DLG1: variants seen among roughly 807,000 people sequenced by gnomAD.
DLG1 encodes the protein discs large MAGUK scaffold protein 1.
Under a neutral mutation model 123.4 loss-of-function variants are expected in DLG1, and 42 were observed. The observed-to-expected ratio is 0.34, with a 90% CI of 0.27 to 0.44. DLG1 has a LOEUF of 0.44. DLG1 is among the 20% of genes least tolerant of loss of function. The pLI is 1.00. For synonymous variants in DLG1, 317 were observed against 356.2 expected (o/e 0.89, Z 1.24); for missense variants, 942 against 1,082.6 (o/e 0.87, Z 1.82).
In DLG1 at chr3:197,066,687, C is replaced by G; in HGVS notation, c.2098+17G>C. On this transcript the variant is annotated intron_variant, in intron 20 of 24. Coordinates refer to ENST00000667157, the MANE Select transcript of DLG1 (RefSeq NM_001366207.1). ...ATTCTTCTAGAAGGTTATAAAACAT[C>G]AATAGGCTTCACAAACCTTCTTGTT... 1 of 1,574,060 alleles carries G rather than the reference C, an allele frequency of 6.4e-7. No homozygotes were observed. The highest frequency in any genetic ancestry group is 8.7e-7 in the Non-Finnish European group (1 of 1,147,176).
intron 4 of DLG1, among the ~76,000 whole-genome samples, chr3:197,275,708 A>T (rs1337509610): frequency 1.3e-5 from 2 of 152,212 alleles, no homozygotes; most frequent in Non-Finnish European, 2.9e-5. Flanking sequence ...ATGGAGTTGG[A>T]GAGTAGAATG....
chr3:197,201,800 C>T (rs905066892), intron 4 of DLG1, among the ~76,000 whole-genome samples: 2 of 151,858 alleles, frequency 1.3e-5, no homozygotes, highest in African/African-American at 4.8e-5. Context: ...TATCATTTTT[C>T]ACAGAAGCAG....
chr3:197,276,816 T>C (rs1766649737), intron 4 of DLG1, among the ~76,000 whole-genome samples: 3 of 152,120 alleles, frequency 2.0e-5, no homozygotes, highest in Non-Finnish European at 4.4e-5. Context: ...CTTTTAATTT[T>C]TGTGGTGTTT....
At chr3:197,122,640 C>A (rs1777048355) in intron 11 of DLG1, among the ~76,000 whole-genome samples, 1 of 152,010 alleles carries the variant, frequency 6.6e-6, no homozygotes, top group Admixed American at 6.6e-5. Context: ...TCCTATATAT[C>A]AGTTAAAATT....
Position 197,085,748 on chromosome 3 carries a change from A to C in DLG1, c.1670T>G (p.Phe557Cys). 5 of 1,613,250 alleles carry C rather than the reference A, an allele frequency of 3.1e-6. No homozygotes were observed. Among genetic ancestry groups the C allele is most frequent in the Non-Finnish European group, 2.5e-6 (3 of 1,179,802 alleles). Reference protein sequence around the residue: ...QKRSLYVRALFDYDKTKDSGL... With the variant: ...QKRSLYVRALCDYDKTKDSGL... ...ACTGTCTTTAGTCTTGTCATAATCA[A>C]AAAGGGCTCTAGAGTCAGAAGAAAA... Residue 557 changes from phenylalanine to cysteine, a missense_variant, in exon 16 of 25, where the codon TTT becomes TGT. Phe to Cys is a radical substitution (Grantham distance 205, BLOSUM62 -2). Transcript: ENST00000667157.
chr3:197,259,532 A>G (rs1478461730), intron 4 of DLG1, among the ~76,000 whole-genome samples: 1 of 152,220 alleles, frequency 6.6e-6, no homozygotes, highest in East Asian at 1.9e-4. Context: ...AATCACTATG[A>G]GACATCGTAA....
rs774270288 is a variant in DLG1, at chr3:197,252,107, G to A, written c.318+30572C>T. Among the ~76,000 whole-genome samples, 18 of 152,198 alleles carry A rather than the reference G, an allele frequency of 1.2e-4. 1 individual carries two copies. In the Middle Eastern group the frequency reaches 0.02, roughly 173 times the overall value. ...GTGTGCTAGTTGTCTCTCCTTATGA[G>A]AGGTGGTGGATGGTTTAAGTACAGG... is the stretch of plus-strand genomic sequence containing the variant. On this transcript the variant is annotated intron_variant, in intron 4 of 24. Transcript: ENST00000667157.
chr3:197,199,134 C>A (rs1047483336), intron 4 of DLG1, among the ~76,000 whole-genome samples: 11 of 152,080 alleles, frequency 7.2e-5, no homozygotes, highest in Admixed American at 3.3e-4. Flanking sequence ...TTGAAAAAAT[C>A]TTTTCTGAAG....
intron 4 of DLG1, among the ~76,000 whole-genome samples, chr3:197,235,166 GC>G (rs1189231341): frequency 3.9e-5 from 6 of 152,142 alleles, no homozygotes; most frequent in Admixed American, 1.3e-4. Context: ...CTGGCTTCCT[GC>G]CTGGAGGCCA....
intron 23 of DLG1, among the ~76,000 whole-genome samples, chr3:197,057,858 GTATTT>G (rs1376617487): frequency 6.6e-6 from 1 of 151,624 alleles, no homozygotes; most frequent in African/African-American, 2.4e-5. Context: ...ATGGTTTATT[GTATTT>G]TATTTTCAAA....
chr3:197,131,580 CTTTCTTTTTTTT>C (rs1782509327), intron 10 of DLG1, among the ~76,000 whole-genome samples: 1 of 120,732 alleles, frequency 8.3e-6, no homozygotes, highest in South Asian at 2.6e-4. Context: ...TTATTTCTTC[CTTTCTTTTTTTT>C]TTTTTTTTTT....
At chr3:197,163,931 T>C (rs1799984068) in intron 5 of DLG1, among the ~76,000 whole-genome samples, 1 of 152,080 alleles carries the variant, frequency 6.6e-6, no homozygotes, top group African/African-American at 2.4e-5. Context: ...TATTGCATGA[T>C]TCCACTTAAA....
intron 4 of DLG1, among the ~76,000 whole-genome samples, chr3:197,264,817 C>T (rs892457441): frequency 5.9e-5 from 9 of 152,172 alleles, no homozygotes; most frequent in African/African-American, 1.4e-4. Context: ...AAATCCAAAA[C>T]GCTTCTGGTC....
At chr3:197,107,060 T>C (rs1298924207) in intron 13 of DLG1, among the ~76,000 whole-genome samples, 5 of 152,210 alleles carry the variant, frequency 3.3e-5, no homozygotes, top group African/African-American at 1.2e-4. Context: ...ACGAAGCTAC[T>C]TTCTGACCAT....
At chr3:197,297,723 G>GT (rs1778200777) in intron 1 of DLG1, 1 of 986,592 alleles carries the variant, frequency 1.0e-6, no homozygotes, top group African/African-American at 1.7e-5. Context: ...GCCGGACAGG[G>GT]CAGCGGCCGC....
intron 4 of DLG1, among the ~76,000 whole-genome samples, chr3:197,271,977 C>G (rs1243711784): frequency 6.6e-6 from 1 of 152,168 alleles, no homozygotes; most frequent in African/African-American, 2.4e-5. Context: ...CAGACATCTA[C>G]CAGCGACTTT....
At chr3:197,230,612 G>A (rs1742429310) in intron 4 of DLG1, among the ~76,000 whole-genome samples, 1 of 152,112 alleles carries the variant, frequency 6.6e-6, no homozygotes, top group Non-Finnish European at 1.5e-5. Context: ...GCAGTGTTGT[G>A]CTTTTCTTTT....
At chr3:197,174,977 T>G (rs1159668104) in intron 5 of DLG1, among the ~76,000 whole-genome samples, 2 of 152,216 alleles carry the variant, frequency 1.3e-5, no homozygotes, top group African/African-American at 2.4e-5. Flanking sequence ...CTGAAAATAC[T>G]GTTCAGAAAT....
At chr3:197,114,344 G>A (rs567854327) in intron 13 of DLG1, among the ~76,000 whole-genome samples, 29 of 152,208 alleles carry the variant, frequency 1.9e-4, no homozygotes, top group African/African-American at 7.0e-4. Flanking sequence ...CATCTTACAA[G>A]CAGCCAGCAA....
Sources: allele counts gnomAD v4.1 joint callset (sites outside exome capture counted in the v4.1 genomes callset), GRCh38; gene constraint gnomAD v4.1.1; transcripts MANE v1.5; gene names NCBI Gene and HGNC (gene_info 2026-07-23, HGNC 2026-07-21).